SYTL5: variants seen among roughly 807,000 people sequenced by gnomAD.
The protein encoded by SYTL5 is synaptotagmin-like protein 5.
In SYTL5, 34 loss-of-function variants were observed where a neutral mutation model predicts 55.9. The observed-to-expected ratio is 0.61, with a 90% confidence interval of 0.46 to 0.81. SYTL5 has a LOEUF of 0.81. SYTL5 is among the 30% of genes least tolerant of loss of function. The pLI is 0.00. For missense variants in SYTL5, 637 were observed against 546.7 expected, an observed-to-expected ratio of 1.17 and a Z score of -1.65; for synonymous variants, 221 against 188.7, an observed-to-expected ratio of 1.17 and a Z score of -1.40.
intron 1 of SYTL5, among the ~76,000 whole-genome samples, chrX:38,011,401 G>A (rs886175808): frequency 2.4e-4 from 27 of 110,664 alleles, no homozygotes; most frequent in African/African-American, 8.5e-4. Context: ...GGAGGCCGAG[G>A]CGGGTGGATC....
In SYTL5 at chrX:38,127,937, C is replaced by G. The variant is rs1937700938; in HGVS notation, c.*1207C>G. The G allele has an allele frequency of 9.0e-6, 1 of 111,630 alleles. No homozygotes were observed. Among genetic ancestry groups the G allele is most frequent in the Admixed American group, 9.5e-5 (1 of 10,512 alleles). The allele number at this position is 111,630 out of a possible 1,213,427, so 9.2% of individuals were successfully genotyped here. ...TTTTCAGCCCCTGGTTGTGTCATGTCTACTGATATCTCATTGGTCAAAGGA... is the reference window on the plus strand; with the variant it reads ...TTTTCAGCCCCTGGTTGTGTCATGTGTACTGATATCTCATTGGTCAAAGGA... On this transcript the variant is annotated 3_prime_UTR_variant, in exon 17 of 17. Transcript: ENST00000297875.
At chrX:38,072,783 A>T (rs751766203) in intron 4 of SYTL5, among the ~76,000 whole-genome samples, 1 of 112,288 alleles carries the variant, frequency 8.9e-6, no homozygotes, top group African/African-American at 3.2e-5. Flanking sequence ...CTTTACCTTG[A>T]CAGTGCCTTT....
chrX:37,961,069 C>G, the SYTL5 span, among the ~76,000 whole-genome samples: 4 of 110,565 alleles, frequency 3.6e-5, no homozygotes, highest in Non-Finnish European at 7.6e-5. Flanking sequence ...CGGGTGTGAG[C>G]CACCGCGCCC....
intron 2 of SYTL5, among the ~76,000 whole-genome samples, chrX:38,050,588 C>T (rs1303719859): frequency 1.8e-5 from 2 of 109,523 alleles, no homozygotes; most frequent in Non-Finnish European, 3.8e-5. Context: ...GAAAACCTTC[C>T]CTGGGCAAGC....
the SYTL5 span, among the ~76,000 whole-genome samples, chrX:37,961,154 TA>T: frequency 9.0e-6 from 1 of 111,341 alleles, no homozygotes; most frequent in African/African-American, 3.3e-5. Flanking sequence ...AGATCTCTGT[TA>T]TAGCAATGGC....
At chrX:37,900,998 A>G in the SYTL5 span, among the ~76,000 whole-genome samples, 42 of 112,128 alleles carry the variant, frequency 3.7e-4, no homozygotes, top group Admixed American at 2.8e-4. Flanking sequence ...AGAAGTATTG[A>G]GACTGGAAGG....
upstream of SYTL5, chrX:38,006,457 CCTT>C (rs776167981): frequency 8.1e-5 from 9 of 111,683 alleles, no homozygotes; most frequent in Non-Finnish European, 1.5e-4. Flanking sequence ...AGAGATACTG[CCTT>C]CTTCTTGAAA....
the SYTL5 span, among the ~76,000 whole-genome samples, chrX:37,890,686 G>T: frequency 2.7e-5 from 3 of 112,098 alleles, no homozygotes; most frequent in African/African-American, 9.7e-5. Context: ...TTTGTGTTTT[G>T]CTCTGCGTAA....
chrX:37,909,972 G>A, the SYTL5 span, among the ~76,000 whole-genome samples: 4 of 111,330 alleles, frequency 3.6e-5, no homozygotes, highest in Admixed American at 3.8e-4. Flanking sequence ...ATCATGCCTG[G>A]CTGGAGAGGT....
chrX:37,982,375 A>G, the SYTL5 span, among the ~76,000 whole-genome samples: 3 of 111,946 alleles, frequency 2.7e-5, no homozygotes, highest in Non-Finnish European at 3.8e-5. Flanking sequence ...AGATTGCCCA[A>G]TTTGAGGAGC....
At position 38,126,962 on chromosome X, in the gene SYTL5, A is replaced by G. The variant is rs1024333054; in HGVS notation, c.*232A>G. On this transcript the variant is annotated 3_prime_UTR_variant, in exon 17 of 17. Coordinates refer to ENST00000297875, the MANE Select transcript of SYTL5 (RefSeq NM_138780.3). The stretch of plus-strand genomic sequence containing the variant: ...TTGATTGGATGATAGAAAGTGTACT[A>G]CTTGTCCTGTCAACAAGCAAATTGT... 2.9e-6 allele frequency: 1 copy of G among 349,754 alleles called. No homozygotes were observed. Among genetic ancestry groups the G allele is most frequent in the Non-Finnish European group, 5.0e-6 (1 of 201,721 alleles). The allele number at this position is 349,754 out of a possible 1,213,427, so 28.8% of individuals were successfully genotyped here.
At chrX:37,978,934 T>G in the SYTL5 span, among the ~76,000 whole-genome samples, 1 of 111,726 alleles carries the variant, frequency 9.0e-6, no homozygotes, top group African/African-American at 3.2e-5. Flanking sequence ...GTACATTCTG[T>G]ATTATAACAT....
chrX:37,990,554 AT>A, the SYTL5 span, among the ~76,000 whole-genome samples: 3 of 112,389 alleles, frequency 2.7e-5, no homozygotes, highest in Non-Finnish European at 5.6e-5. Flanking sequence ...TATTTTTATA[AT>A]GTCAAAATCA....
the SYTL5 span, among the ~76,000 whole-genome samples, chrX:37,909,949 A>G: frequency 9.0e-6 from 1 of 111,321 alleles, no homozygotes; most frequent in African/African-American, 3.3e-5. Context: ...TGCTGGGATT[A>G]CAAGCCTGAT....
the SYTL5 span, among the ~76,000 whole-genome samples, chrX:37,918,102 A>G: frequency 1.8e-5 from 2 of 111,466 alleles, no homozygotes; most frequent in Admixed American, 9.6e-5. Flanking sequence ...TTATGGCCCC[A>G]ATTGTCTCCA....
intron 2 of SYTL5, among the ~76,000 whole-genome samples, chrX:38,037,261 A>C (rs921985799): frequency 6.3e-5 from 7 of 111,493 alleles, no homozygotes; most frequent in Non-Finnish European, 1.3e-4. Flanking sequence ...CTGAGGCTGG[A>C]CTTCACCTAA....
intron 16 of SYTL5, 85 bp from the exon 17 acceptor site, chrX:38,126,503 G>A (rs1482933178): frequency 4.0e-6 from 4 of 1,010,729 alleles, no homozygotes; most frequent in Non-Finnish European, 5.5e-6. Flanking sequence ...CTGGTGAAAA[G>A]GCCTGCTCAG....
chrX:38,027,083 AGAG>A (rs1170611251), intron 1 of SYTL5, among the ~76,000 whole-genome samples: 3 of 111,861 alleles, frequency 2.7e-5, no homozygotes, highest in Non-Finnish European at 5.6e-5. Flanking sequence ...TTCAGAGTAG[AGAG>A]GAGCTCAGTT....
intron 13 of SYTL5, among the ~76,000 whole-genome samples, chrX:38,119,932 T>C (rs1240210453): frequency 8.9e-6 from 1 of 112,262 alleles, no homozygotes; most frequent in African/African-American, 3.2e-5. Flanking sequence ...TCTTGATCAC[T>C]TGGGAAAGAC....
Sources: gnomAD v4.1 joint callset for allele counts (sites outside exome capture counted in the v4.1 genomes callset) on GRCh38, gnomAD v4.1.1 for gene constraint, MANE v1.5 for transcripts, NCBI Gene and HGNC (gene_info 2026-07-23, HGNC 2026-07-21) for gene names.